The following GRM7 variants were observed in gnomAD, a reference collection of about 807,000 sequenced individuals.
GRM7 encodes the protein metabotropic glutamate receptor 7.
Under a neutral mutation model 84.5 loss-of-function variants are expected in GRM7, and 35 were observed. That is an observed-to-expected ratio of 0.41 (90% CI 0.32 to 0.55). The LOEUF is 0.55. Ranked by LOEUF, GRM7 falls within the 20% of genes least tolerant of loss-of-function variation. GRM7 has a pLI of 0.19. For missense variants in GRM7, 1,003 were observed against 1,194.6 expected, an observed-to-expected ratio of 0.84 and a Z score of 2.36; for synonymous variants, 487 against 455.1, an observed-to-expected ratio of 1.07 and a Z score of -0.89.
In GRM7 at chr3:7,168,283, T is replaced by A. The variant is rs1208198885; in HGVS notation, c.736+21615T>A. Among the ~76,000 whole-genome samples the A allele has an allele frequency of 3.3e-5, 5 of 152,196 alleles. No homozygotes were observed. The East Asian group carries it at 9.6e-4, about 29-fold the overall frequency. On this transcript the variant is annotated intron_variant, in intron 2 of 9. Transcript: ENST00000357716. ...TAAATATAATTCCCATTGTTGAGGTTCTTCATGCCTTCTATGGACTGAATT... is the reference window on the plus strand; with the variant it reads ...TAAATATAATTCCCATTGTTGAGGTACTTCATGCCTTCTATGGACTGAATT...
chr3:7,010,088 AG>A (rs1437188832), intron 1 of GRM7, among the ~76,000 whole-genome samples: 1 of 152,190 alleles, frequency 6.6e-6, no homozygotes, highest in Non-Finnish European at 1.5e-5. Context: ...GCTAAGGAGC[AG>A]GGTGTGGGCC....
intron 7 of GRM7, among the ~76,000 whole-genome samples, chr3:7,482,256 C>T (rs569181365): frequency 6.6e-6 from 1 of 152,222 alleles, no homozygotes; most frequent in East Asian, 1.9e-4. Flanking sequence ...AAGTCAAATC[C>T]TATAAACCCT....
Position 7,516,347 on chromosome 3 carries a change from T to G in GRM7, c.1515+54625T>G, listed in dbSNP as rs577794146. ...AAAAAATTAGCCAGGCGTGGTGGTG[T>G]GCGCCTGTAGTCCCAGCTACTTGGG... On this transcript the variant is annotated intron_variant, in intron 7 of 9. Transcript: ENST00000357716. Among the ~76,000 whole-genome samples, 117 of 147,514 alleles carry G rather than the reference T, an allele frequency of 7.9e-4. No homozygotes were observed. The Middle Eastern group carries it at 0.01, about 13-fold the overall frequency.
chr3:7,190,818 GC>G (rs980971452), intron 2 of GRM7, among the ~76,000 whole-genome samples: 10 of 152,160 alleles, frequency 6.6e-5, no homozygotes, highest in Admixed American at 3.9e-4. Flanking sequence ...AACAGCAGGT[GC>G]CCCTCTTGGC....
At chr3:7,303,199 C>T (rs549725588) in intron 3 of GRM7, among the ~76,000 whole-genome samples, 1 of 152,150 alleles carries the variant, frequency 6.6e-6, no homozygotes, top group South Asian at 2.1e-4. Context: ...CTTGGCCTCC[C>T]CAAGTACTGG....
intron 1 of GRM7, among the ~76,000 whole-genome samples, chr3:7,036,776 A>G (rs1422391624): frequency 8.3e-6 from 1 of 120,968 alleles, no homozygotes; most frequent in Admixed American, 9.2e-5. Context: ...AAAAATTAGC[A>G]AGGTCTTTCT....
At chr3:7,543,088 G>T (rs533143584) in intron 7 of GRM7, among the ~76,000 whole-genome samples, 7 of 152,260 alleles carry the variant, frequency 4.6e-5, no homozygotes, top group Admixed American at 2.0e-4. Context: ...ATGAATGAAT[G>T]AATAAGCCAG....
intron 2 of GRM7, among the ~76,000 whole-genome samples, chr3:7,228,234 A>G (rs981898541): frequency 2.0e-5 from 3 of 152,190 alleles, no homozygotes; most frequent in Admixed American, 6.5e-5. Flanking sequence ...GGGCAAAGCT[A>G]GGCATTGCAT....
intron 2 of GRM7, among the ~76,000 whole-genome samples, chr3:7,257,422 A>G (rs1361887900): frequency 1.3e-5 from 2 of 152,178 alleles, no homozygotes; most frequent in Non-Finnish European, 2.9e-5. Flanking sequence ...AGCCATTACA[A>G]TCTGCTTACC....
intron 2 of GRM7, among the ~76,000 whole-genome samples, chr3:7,258,424 A>G (rs1698288794): frequency 6.6e-6 from 1 of 152,136 alleles, no homozygotes; most frequent in South Asian, 2.1e-4. Flanking sequence ...TGAAGAAAAC[A>G]TATAGGCTAC....
chr3:7,436,007 C>T (rs1314997074), intron 5 of GRM7, among the ~76,000 whole-genome samples: 4 of 151,140 alleles, frequency 2.6e-5, no homozygotes, highest in South Asian at 2.1e-4. Flanking sequence ...CAGCCATGCC[C>T]GACTAATTTT....
intron 1 of GRM7, among the ~76,000 whole-genome samples, chr3:6,895,126 T>C (rs902651951): frequency 3.3e-5 from 5 of 152,110 alleles, no homozygotes; most frequent in Non-Finnish European, 5.9e-5. Context: ...GTCACAGCTA[T>C]CCACAGCAGG....
At chr3:7,260,571 G>C (rs1698382923) in intron 2 of GRM7, among the ~76,000 whole-genome samples, 1 of 151,894 alleles carries the variant, frequency 6.6e-6, no homozygotes, top group Non-Finnish European at 1.5e-5. Context: ...TTCTAATTGT[G>C]TTTATTTAGA....
At chr3:6,999,497 G>A (rs544287962) in intron 1 of GRM7, among the ~76,000 whole-genome samples, 8 of 152,114 alleles carry the variant, frequency 5.3e-5, no homozygotes, top group African/African-American at 1.2e-4. Context: ...TTCCACAATC[G>A]GGTACCCTTA....
chr3:7,697,580 A>C (rs150721498), intron 9 of GRM7, among the ~76,000 whole-genome samples: 3 of 152,354 alleles, frequency 2.0e-5, no homozygotes, highest in African/African-American at 7.2e-5. Flanking sequence ...TTTACAATGC[A>C]GTGTACAAAA....
At chr3:7,535,350 TAATG>T (rs1701203362) in intron 7 of GRM7, 1 of 151,432 alleles carries the variant, frequency 6.6e-6, no homozygotes, top group African/African-American at 2.4e-5. Flanking sequence ...ATAGGGGAAA[TAATG>T]AACATTAGGA....
At chr3:6,918,453 C>T (rs1201039722) in intron 1 of GRM7, among the ~76,000 whole-genome samples, 1 of 152,136 alleles carries the variant, frequency 6.6e-6, no homozygotes, top group Non-Finnish European at 1.5e-5. Context: ...TGGCTGATCC[C>T]ATGTGCTTTA....
chr3:7,239,341 G>A (rs554386090), intron 2 of GRM7, among the ~76,000 whole-genome samples: 6 of 152,248 alleles, frequency 3.9e-5, no homozygotes, highest in South Asian at 4.1e-4. Context: ...ATGTGATGTA[G>A]TAAAAGCACC....
At chr3:7,244,309 G>A (rs923066150) in intron 2 of GRM7, among the ~76,000 whole-genome samples, 7 of 152,044 alleles carry the variant, frequency 4.6e-5, no homozygotes, top group Admixed American at 3.3e-4. Flanking sequence ...TAAAACTGTT[G>A]ATACTTCACC....
Sources: allele counts gnomAD v4.1 joint callset (sites outside exome capture counted in the v4.1 genomes callset), GRCh38; gene constraint gnomAD v4.1.1; transcripts MANE v1.5; gene names NCBI Gene and HGNC (gene_info 2026-07-23, HGNC 2026-07-21).